The following MOCOS variants were observed in gnomAD, a reference collection of about 807,000 sequenced individuals.
The protein encoded by MOCOS is molybdenum cofactor sulfurase.
A neutral mutation model predicts 83.6 loss-of-function variants in MOCOS; 86 were observed. The observed-to-expected ratio is 1.03, with a 90% CI of 0.86 to 1.23. MOCOS has a LOEUF of 1.23. MOCOS is among the 50% of genes most tolerant of loss of function. The pLI, the probability that MOCOS is intolerant of heterozygous loss-of-function variation, is 0.00. For synonymous variants in MOCOS, 445 were observed against 434.7 expected, an observed-to-expected ratio of 1.02 and a Z score of -0.29; for missense variants, 1,120 against 1,126.9, an observed-to-expected ratio of 0.99 and a Z score of 0.09.
intron 4 of MOCOS, among the ~76,000 whole-genome samples, chr18:36,201,138 C>G (rs2091412768): frequency 6.6e-6 from 1 of 152,310 alleles, no homozygotes; most frequent in East Asian, 1.9e-4. Flanking sequence ...CTAATCACCT[C>G]CAGGGTCCGG....
At chr18:36,206,736 G>T (rs1369819806) in intron 6 of MOCOS, among the ~76,000 whole-genome samples, 1 of 152,196 alleles carries the variant, frequency 6.6e-6, no homozygotes, top group Admixed American at 6.5e-5. Flanking sequence ...GGAACATGCA[G>T]TATTTAGGTT....
intron 9 of MOCOS, among the ~76,000 whole-genome samples, chr18:36,228,118 A>G (rs2091524513): frequency 6.6e-6 from 1 of 152,206 alleles, no homozygotes; most frequent in Non-Finnish European, 1.5e-5. Flanking sequence ...GCAAATCAAA[A>G]CCACAATGAG....
chr18:36,211,878 A>G (rs981167553), intron 6 of MOCOS, among the ~76,000 whole-genome samples: 11 of 152,170 alleles, frequency 7.2e-5, no homozygotes, highest in African/African-American at 2.4e-5. Flanking sequence ...ATGACACTGC[A>G]TGGCTTCTAA....
At chr18:36,217,539 G>C (rs1426006842) in intron 8 of MOCOS, among the ~76,000 whole-genome samples, 1 of 152,014 alleles carries the variant, frequency 6.6e-6, no homozygotes, top group Non-Finnish European at 1.5e-5. Flanking sequence ...CCCTTCTTCA[G>C]CAGACAGCTG....
chr18:36,195,427 G>A, intron 2 of MOCOS, 81 bp downstream of exon 2: 23 of 1,278,986 alleles, frequency 1.8e-5, no homozygotes, highest in Non-Finnish European at 2.4e-5. Context: ...TGGATTAATA[G>A]GCCAGGAATA....
chr18:36,201,151 A>G (rs1040041036), intron 4 of MOCOS, among the ~76,000 whole-genome samples: 6 of 152,130 alleles, frequency 3.9e-5, no homozygotes, highest in Non-Finnish European at 7.4e-5. Flanking sequence ...GGGTCCGGAG[A>G]AGGCCTGGGG....
At chr18:36,213,650 C>T (rs536787171) in intron 7 of MOCOS, among the ~76,000 whole-genome samples, 168 bp downstream of exon 7, 23 of 152,320 alleles carry the variant, frequency 1.5e-4, no homozygotes, top group East Asian at 3.9e-4. Context: ...TCAAGAAGGC[C>T]GGGTGCGGTG....
chr18:36,200,401 A>G, intron 4 of MOCOS, 77 bp downstream of exon 4: 1 of 1,565,866 alleles, frequency 6.4e-7, no homozygotes, highest in Non-Finnish European at 8.7e-7. Flanking sequence ...AGGATTATGC[A>G]AGAGGTGGGT....
At position 36,260,099 on chromosome 18, in the gene MOCOS, A is replaced by G. The variant is rs2091658162; in HGVS notation, c.2333A>G (p.Asn778Ser). The change falls in exon 13 of 15, where the codon AAT becomes AGT. Residue 778 changes from asparagine (N) to serine (S), a missense_variant. Asn to Ser is a conservative substitution (Grantham distance 46). Coordinates refer to ENST00000261326, the MANE Select transcript of MOCOS (RefSeq NM_017947.4). ...LKDLSLRFRA[N>S]IIINGKRAFE... The stretch of plus-strand genomic sequence containing the variant: ...GATCTCAGCTTGCGTTTTCGTGCCA[A>G]TATTATTATCAATGGAAAAAGGGCT... 1 of 1,614,216 alleles carries G rather than the reference A, an allele frequency of 6.2e-7. No individual in the cohort carries two copies. The highest frequency in any genetic ancestry group is 8.5e-7 in the Non-Finnish European group (1 of 1,180,038).
In MOCOS at chr18:36,225,058, T is replaced by C. The variant is rs1226416746; in HGVS notation, c.1960+4841T>C. ...TTTGTTGGCATATAGTTGTTTATAGTAATTTCTTAGAATATTTTATTTTTG... is the reference window on the plus strand; with the variant it reads ...TTTGTTGGCATATAGTTGTTTATAGCAATTTCTTAGAATATTTTATTTTTG... On this transcript the variant is annotated intron_variant, in intron 9 of 14. Coordinates refer to ENST00000261326, the MANE Select transcript of MOCOS (RefSeq NM_017947.4). Among the ~76,000 whole-genome samples, 3 of 152,218 alleles carry C rather than the reference T, an allele frequency of 2.0e-5. No homozygotes were observed. In the East Asian group the frequency reaches 5.8e-4, roughly 29 times the overall value.
chr18:36,229,289 T>C (rs954345579), intron 9 of MOCOS, among the ~76,000 whole-genome samples: 3 of 152,192 alleles, frequency 2.0e-5, no homozygotes, highest in Non-Finnish European at 4.4e-5. Context: ...TATGGTATTC[T>C]TGTTGGCAGG....
At chr18:36,195,416 C>G in intron 2 of MOCOS, 70 bp downstream of exon 2, 15 of 1,356,148 alleles carry the variant, frequency 1.1e-5, no homozygotes, top group Non-Finnish European at 1.6e-5. Context: ...ATGTTAAACG[C>G]TGGATTAATA....
chr18:36,220,682 C>T (rs1306577128), intron 9 of MOCOS, among the ~76,000 whole-genome samples: 2 of 152,154 alleles, frequency 1.3e-5, no homozygotes, highest in Non-Finnish European at 2.9e-5. Flanking sequence ...AATCCCAGCA[C>T]TGCAGAGGTG....
Position 36,218,827 on chromosome 18 carries a change from C to CTTTAT in MOCOS, c.1798-1215_1798-1211dup, listed in dbSNP as rs1223449727. 2.0e-3 allele frequency among the ~76,000 whole-genome samples: 283 copies of CTTTAT among 144,682 alleles called. 1 individual carries two copies. Among genetic ancestry groups the CTTTAT allele is most frequent in the East Asian group, 0.011 (56 of 4,882 alleles). The allele number at this position is 144,682 out of a possible 152,430, so 94.9% of individuals were successfully genotyped here. ...AAGCCACTGCGCCCAGCTCTACTCA[C>CTTTAT]TTTATTTTATTTTATTTATTTATTT... On this transcript the variant is annotated intron_variant, in intron 8 of 14. Coordinates refer to ENST00000261326, the MANE Select transcript of MOCOS (RefSeq NM_017947.4).
chr18:36,259,888 A>C, intron 12 of MOCOS, 149 bp from the exon 13 acceptor site: 1 of 1,119,542 alleles, frequency 8.9e-7, no homozygotes, highest in Non-Finnish European at 1.3e-6. Context: ...CCTTGCACTC[A>C]TGGTAAAAGT....
chr18:36,198,742 G>A lies in MOCOS; in HGVS notation c.285G>A (p.Glu95=). Residue 95 remains glutamate, a synonymous_variant, in exon 3 of 15, where the codon GAG becomes GAA. Transcript: ENST00000261326. Reference sequence around the variant, plus strand: ...GCAAGCTCACCCATGACACTGTGGAGCAGGTGCGCTACAGGTAAGCATCAG... The same window carrying A: ...GCAAGCTCACCCATGACACTGTGGAACAGGTGCGCTACAGGTAAGCATCAG... ...ISSKLTHDTV[E]QVRYRILAHF... The A allele has an allele frequency of 6.2e-7, 1 of 1,614,214 alleles. No individual in the cohort carries two copies. Among genetic ancestry groups the A allele is most frequent in the Non-Finnish European group, 8.5e-7 (1 of 1,180,036 alleles).
chr18:36,245,592 A>T (rs2091599527), intron 9 of MOCOS, among the ~76,000 whole-genome samples: 1 of 152,110 alleles, frequency 6.6e-6, no homozygotes, highest in African/African-American at 2.4e-5. Context: ...TAACCTGATG[A>T]CTATGTGCCT....
At position 36,230,430 on chromosome 18, in the gene MOCOS, C is replaced by T. The variant is rs534183593; in HGVS notation, c.1960+10213C>T. ...AGCAAGCAACTCTCCTAGTCTTCAC[C>T]GACTGGCCTCATAAAAGAAGACCCC... On this transcript the variant is annotated intron_variant, in intron 9 of 14. Coordinates refer to ENST00000261326, the MANE Select transcript of MOCOS (RefSeq NM_017947.4). 1.3e-4 allele frequency among the ~76,000 whole-genome samples: 20 copies of T among 152,244 alleles called. No individual in the cohort carries two copies. In the East Asian group the frequency reaches 2.7e-3, roughly 21 times the overall value.
At chr18:36,193,179 C>T (rs1315734966) in intron 1 of MOCOS, among the ~76,000 whole-genome samples, 5 of 150,242 alleles carry the variant, frequency 3.3e-5, no homozygotes, top group South Asian at 2.1e-4. Context: ...GGCGCGGTGG[C>T]GGGCGCCTGT....
Sources: gnomAD v4.1 joint callset for allele counts (sites outside exome capture counted in the v4.1 genomes callset) on GRCh38, gnomAD v4.1.1 for gene constraint, MANE v1.5 for transcripts, NCBI Gene and HGNC (gene_info 2026-07-23, HGNC 2026-07-21) for gene names.